WDR59: variants seen among roughly 807,000 people sequenced by gnomAD.
The protein encoded by WDR59 is GATOR2 complex protein WDR59.
In WDR59, 100 loss-of-function variants were observed where a neutral mutation model predicts 131.2. That is an observed-to-expected ratio of 0.76 (90% CI 0.65 to 0.90). The LOEUF (loss-of-function observed/expected upper bound fraction) is 0.90. Among genes scored for constraint, WDR59 ranks in the 40% least tolerant of loss-of-function variants. The probability of loss-of-function intolerance (pLI) is 0.00; values close to 1 mark genes in which losing one functional copy is unlikely to be tolerated. For synonymous variants in WDR59, 601 were observed against 466.2 expected (o/e 1.29, Z -3.72); for missense variants, 1,203 against 1,262.2 (o/e 0.95, Z 0.71).
chr16:74,971,226 C>T (rs2033969637), intron 1 of WDR59, among the ~76,000 whole-genome samples: 4 of 152,112 alleles, frequency 2.6e-5, no homozygotes, highest in South Asian at 4.2e-4. Flanking sequence ...AAAGTTCATT[C>T]GTTTCGTTAA....
chr16:74,917,292 C>T (rs1024992887), intron 11 of WDR59, among the ~76,000 whole-genome samples: 1 of 152,146 alleles, frequency 6.6e-6, no homozygotes, highest in Admixed American at 6.6e-5. Flanking sequence ...GCATTTGCAG[C>T]GTACAAGGGT....
Position 74,874,206 on chromosome 16 carries a change from G to A in WDR59, c.*3C>T. ...TTTCAGACAATACCCAACTTCTGTA[G>A]GTTCAGAAAGTGCTTTCAAGCAGGC... On this transcript the variant is annotated 3_prime_UTR_variant, in exon 26 of 26. Coordinates refer to ENST00000262144, the MANE Select transcript of WDR59 (RefSeq NM_030581.4). 6.2e-7 allele frequency: 1 copy of A among 1,612,038 alleles called. No individual in the cohort carries two copies. Among genetic ancestry groups the A allele is most frequent in the Non-Finnish European group, 8.5e-7 (1 of 1,178,628 alleles).
chr16:74,886,073 G>C lies in WDR59; in HGVS notation c.2546+197C>G, dbSNP rs570150485. On this transcript the variant is annotated intron_variant, in intron 24 of 25. Coordinates refer to ENST00000262144, the MANE Select transcript of WDR59 (RefSeq NM_030581.4). ...TGTGCCTGTAATCCCAGCTACTCAGGAGGCTGAGGCAGGAGAATCACTTGA... is the reference window on the plus strand; with the variant it reads ...TGTGCCTGTAATCCCAGCTACTCAGCAGGCTGAGGCAGGAGAATCACTTGA... The C allele has an allele frequency of 3.9e-4, 284 of 728,772 alleles. 2 individuals carry two copies. In the African/African-American group the frequency reaches 4.7e-3, roughly 12 times the overall value. 45.1% of individuals were successfully genotyped at this position (728,772 alleles called of 1,614,324 possible). A position where few individuals can be genotyped will look rare whatever the true frequency, so the allele number is the denominator to read the frequency against.
chr16:74,949,631 G>C, intron 5 of WDR59, 87 bp downstream of exon 5: 5 of 1,218,706 alleles, frequency 4.1e-6, no homozygotes, highest in Non-Finnish European at 5.9e-6. Flanking sequence ...CTGTATCGAG[G>C]GGAAACCAAA....
At chr16:74,981,637 TATATATATATATATATA>T (rs1184492019) in intron 1 of WDR59, among the ~76,000 whole-genome samples, 2,335 of 31,458 alleles carry the variant, frequency 0.074, 254 homozygotes, top group East Asian at 0.14. Flanking sequence ...TATATATATA[TATATATATATATATATA>T]TATATATTTT....
At chr16:74,900,319 C>G (rs1965492380) in intron 18 of WDR59, among the ~76,000 whole-genome samples, 1 of 151,884 alleles carries the variant, frequency 6.6e-6, no homozygotes, top group Non-Finnish European at 1.5e-5. Context: ...AAATGGGAAC[C>G]CTGGAGAAAC....
At chr16:74,892,009 C>T (rs377232601) in intron 20 of WDR59, among the ~76,000 whole-genome samples, 140 of 151,936 alleles carry the variant, frequency 9.2e-4, no homozygotes, top group African/African-American at 3.3e-3. Flanking sequence ...TCAGTTAAGC[C>T]GTTTAAAAAA....
intron 13 of WDR59, among the ~76,000 whole-genome samples, chr16:74,912,791 T>C (rs139789041): frequency 2.0e-5 from 3 of 152,302 alleles, no homozygotes; most frequent in African/African-American, 7.2e-5. Context: ...ACTAAAAGTA[T>C]TCCTTATGGG....
intron 1 of WDR59, among the ~76,000 whole-genome samples, chr16:74,979,513 G>A (rs1448236291): frequency 6.6e-6 from 1 of 151,634 alleles, no homozygotes; most frequent in Non-Finnish European, 1.5e-5. Flanking sequence ...AAACAGTGTT[G>A]CTCTGGAAGA....
In WDR59 at chr16:74,909,572, G is replaced by A. The variant is rs545945156; in HGVS notation, c.1571C>T (p.Thr524Met). 50 of 1,610,966 alleles carry A rather than the reference G, an allele frequency of 3.1e-5. No individual in the cohort carries two copies. The highest frequency in any genetic ancestry group is 2.1e-4 in the South Asian group (19 of 90,590). ...GGCGTCCTGGTACGACCCGTAAGCC[G>A]TGGTCACCCGCGCAAACGTCGGTAA... ...PPLPTFARVT[T>M]AYGSYQDANI... The change falls in exon 16 of 26, where the codon ACG becomes ATG. Residue 524 changes from threonine (T) to methionine (M), a missense_variant. Physicochemically the swap from Thr to Met is moderately conservative, Grantham distance 81. Coordinates refer to ENST00000262144, the MANE Select transcript of WDR59 (RefSeq NM_030581.4).
At chr16:74,916,467 A>G (rs1966392181) in intron 11 of WDR59, among the ~76,000 whole-genome samples, 1 of 152,182 alleles carries the variant, frequency 6.6e-6, no homozygotes, top group Non-Finnish European at 1.5e-5. Context: ...CAACACTGGA[A>G]ATTTTTTCAT....
intron 8 of WDR59, among the ~76,000 whole-genome samples, 197 bp downstream of exon 8, chr16:74,937,953 G>A (rs1324172241): frequency 6.6e-6 from 1 of 152,232 alleles, no homozygotes; most frequent in Non-Finnish European, 1.5e-5. Context: ...ATGCTGAACA[G>A]CACCATGCTG....
intron 1 of WDR59, 32 bp from the exon 2 acceptor site, chr16:74,965,854 A>G: frequency 2.5e-6 from 4 of 1,613,812 alleles, no homozygotes; most frequent in Non-Finnish European, 2.5e-6. Context: ...CAGTGCTGCC[A>G]GCAAACCCAG....
chr16:74,929,829 A>G (rs1162610560), intron 8 of WDR59, among the ~76,000 whole-genome samples: 6 of 152,220 alleles, frequency 3.9e-5, no homozygotes. Context: ...GCATATACAC[A>G]ATGGAGTACT....
intron 18 of WDR59, among the ~76,000 whole-genome samples, chr16:74,899,271 G>A (rs1379552310): frequency 1.3e-5 from 2 of 152,154 alleles, no homozygotes; most frequent in Non-Finnish European, 2.9e-5. Context: ...CTCCCTCTGT[G>A]AACTAGACCA....
At chr16:74,967,256 A>T (rs1597808801) in intron 1 of WDR59, among the ~76,000 whole-genome samples, 2 of 152,336 alleles carry the variant, frequency 1.3e-5, no homozygotes, top group Middle Eastern at 6.8e-3. Flanking sequence ...AGTGCACCAG[A>T]GTCAGGAGCA....
rs147525650 is a variant in WDR59 at position 74,911,537 on chromosome 16, C to A, written c.1389+661G>T. 1.9e-3 allele frequency among the ~76,000 whole-genome samples: 294 copies of A among 152,276 alleles called. 2 individuals carry two copies. The highest frequency in any genetic ancestry group is 6.7e-3 in the African/African-American group (279 of 41,540). On this transcript the variant is annotated intron_variant, in intron 14 of 25. Transcript: ENST00000262144. ...ATGGGGCTTTGTCATGGAGATTCCA[C>A]CTGATTTGCTCTGGATGAACTGATG...
At chr16:74,916,923 A>C (rs1286241026) in intron 11 of WDR59, among the ~76,000 whole-genome samples, 1 of 152,202 alleles carries the variant, frequency 6.6e-6, no homozygotes, top group Admixed American at 6.5e-5. Flanking sequence ...TTTGGAAAAA[A>C]CAGATTGAAA....
At chr16:74,929,668 C>T (rs1004435413) in intron 8 of WDR59, among the ~76,000 whole-genome samples, 37 of 152,116 alleles carry the variant, frequency 2.4e-4, no homozygotes, top group African/African-American at 8.5e-4. Context: ...ATCCAGCAAC[C>T]CCACTGCTAG....
Sources: allele counts gnomAD v4.1 joint callset (sites outside exome capture counted in the v4.1 genomes callset), GRCh38; gene constraint gnomAD v4.1.1; transcripts MANE v1.5; gene names NCBI Gene and HGNC (gene_info 2026-07-23, HGNC 2026-07-21).